The following NSUN6 variants were observed in gnomAD, a reference collection of about 807,000 sequenced individuals.
NSUN6 encodes the protein tRNA (cytosine(72)-C(5))-methyltransferase NSUN6.
A neutral mutation model predicts 58.0 loss-of-function variants in NSUN6; 64 were observed. The ratio of observed to expected loss-of-function variants is 1.10; its 90% CI spans 0.90 to 1.36. The LOEUF (loss-of-function observed/expected upper bound fraction) is 1.36. NSUN6 is among the 40% of genes most tolerant of loss of function. The pLI, the probability that NSUN6 is intolerant of heterozygous loss-of-function variation, is 0.00. For synonymous variants in NSUN6, 231 were observed against 193.9 expected (o/e 1.19, Z -1.59); for missense variants, 701 against 550.1 (o/e 1.27, Z -2.74).
At chr10:18,633,565 G>T (rs1284916846) in intron 3 of NSUN6, among the ~76,000 whole-genome samples, 2 of 152,078 alleles carry the variant, frequency 1.3e-5, no homozygotes, top group East Asian at 3.9e-4. Flanking sequence ...GCAGGGTGTG[G>T]AGTCTCTGAA....
upstream of NSUN6, among the ~76,000 whole-genome samples, chr10:18,656,817 T>C (rs959990537): frequency 1.2e-4 from 1 of 8,422 alleles, no homozygotes; most frequent in African/African-American, 3.2e-4. Context: ...GTTACAATCC[T>C]TTTTTTTTTT....
chr10:18,613,000 G>C (rs1248445006), intron 5 of NSUN6, among the ~76,000 whole-genome samples: 8 of 152,294 alleles, frequency 5.3e-5, no homozygotes, highest in African/African-American at 1.4e-4. Context: ...ATAAGAAACA[G>C]GGTGTACATG....
In NSUN6 at chr10:18,651,370, C is replaced by G. The variant is rs1252609193; in HGVS notation, c.-167G>C. On this transcript the variant is annotated 5_prime_UTR_variant, in exon 1 of 11. Transcript: ENST00000377304. The stretch of plus-strand genomic sequence containing the variant: ...GGAAATGCAGAGGTACACGCTTTCT[C>G]AAGCCTAGCCGATTAGAAGGGGCTG... The G allele has an allele frequency of 2.3e-6, 3 of 1,330,160 alleles. No individual in the cohort carries two copies. Among genetic ancestry groups the G allele is most frequent in the East Asian group, 6.2e-5 (2 of 32,448 alleles). The allele number at this position is 1,330,160 out of a possible 1,614,324, so 82.4% of individuals were successfully genotyped here. A position where few individuals can be genotyped will look rare whatever the true frequency, so the allele number is the denominator to read the frequency against.
intron 8 of NSUN6, among the ~76,000 whole-genome samples, chr10:18,570,713 CCATTCCATTCTCCACTCCATTT>C (rs2056306178): frequency 6.6e-6 from 1 of 150,674 alleles, no homozygotes; most frequent in Admixed American, 6.6e-5. Context: ...ATTCTCTATT[CCATTCCATTCTCCACTCCATTT>C]CATTCCATTC....
chr10:18,653,235 G>C (rs1471485607), upstream of NSUN6: 2 of 984,362 alleles, frequency 2.0e-6, no homozygotes, highest in African/African-American at 3.5e-5. Context: ...ATCCATAATG[G>C]GCACTCAAAT....
intron 8 of NSUN6, among the ~76,000 whole-genome samples, chr10:18,573,800 T>C (rs189301275): frequency 4.6e-5 from 7 of 152,192 alleles, no homozygotes; most frequent in Middle Eastern, 6.8e-3. Flanking sequence ...AAGAATAAGG[T>C]GTGAACAAAT....
At chr10:18,613,756 G>GC (rs2058317360) in intron 5 of NSUN6, among the ~76,000 whole-genome samples, 1 of 152,058 alleles carries the variant, frequency 6.6e-6, no homozygotes, top group African/African-American at 2.4e-5. Flanking sequence ...CCAAACTGTT[G>GC]CAACATGAAA....
At chr10:18,563,949 C>A (rs966127362) in intron 8 of NSUN6, among the ~76,000 whole-genome samples, 1 of 150,910 alleles carries the variant, frequency 6.6e-6, no homozygotes, top group Admixed American at 6.7e-5. Flanking sequence ...CACTCCATTC[C>A]ATTCTCGATT....
intron 6 of NSUN6, among the ~76,000 whole-genome samples, chr10:18,608,364 G>A (rs2058112390): frequency 6.6e-6 from 1 of 152,104 alleles, no homozygotes; most frequent in Admixed American, 6.5e-5. Context: ...GACCAGGCAT[G>A]GTGGCTTATG....
chr10:18,587,814 C>A (rs1279451921), intron 7 of NSUN6, among the ~76,000 whole-genome samples: 1 of 152,070 alleles, frequency 6.6e-6, no homozygotes, highest in Non-Finnish European at 1.5e-5. Context: ...TGAGCCTACA[C>A]ATGGGCCCTG....
At chr10:18,591,388 T>C (rs976401691) in intron 7 of NSUN6, among the ~76,000 whole-genome samples, 3 of 152,142 alleles carry the variant, frequency 2.0e-5, no homozygotes, top group African/African-American at 7.2e-5. Flanking sequence ...AGCATCATCC[T>C]GATACCAAAA....
chr10:18,645,054 T>C (rs2059503459), intron 2 of NSUN6, among the ~76,000 whole-genome samples: 1 of 142,908 alleles, frequency 7.0e-6, no homozygotes. Context: ...GCTACTCAGG[T>C]GGCTGAGGCA....
chr10:18,652,929 A>T, upstream of NSUN6: 1 of 985,052 alleles, frequency 1.0e-6, no homozygotes, highest in Non-Finnish European at 1.2e-6. Flanking sequence ...CTCACAAATA[A>T]AAAGCCAGGA....
chr10:18,643,007 G>C (rs2059433523), intron 2 of NSUN6, among the ~76,000 whole-genome samples: 1 of 151,860 alleles, frequency 6.6e-6, no homozygotes, highest in South Asian at 2.1e-4. Flanking sequence ...AGAGGTTTGG[G>C]ATTTTCAGTA....
intron 3 of NSUN6, among the ~76,000 whole-genome samples, chr10:18,639,364 T>C (rs977850380): frequency 3.3e-5 from 5 of 152,004 alleles, no homozygotes; most frequent in African/African-American, 1.2e-4. Context: ...TGTGGTGGCA[T>C]GCGCCTGTAG....
chr10:18,598,070 G>A (rs1226413826), intron 6 of NSUN6, among the ~76,000 whole-genome samples: 1 of 152,174 alleles, frequency 6.6e-6, no homozygotes. Flanking sequence ...AGTGAAATTA[G>A]CTTTAACTGA....
At chr10:18,652,523 A>G, upstream of NSUN6, 1 of 984,510 alleles carries the variant, frequency 1.0e-6, no homozygotes, top group Non-Finnish European at 1.2e-6. Context: ...ATGAATGACC[A>G]TTATACCACA....
At chr10:18,639,108 AAAC>A (rs2059316067) in intron 3 of NSUN6, among the ~76,000 whole-genome samples, 1 of 152,114 alleles carries the variant, frequency 6.6e-6, no homozygotes, top group Non-Finnish European at 1.5e-5. Flanking sequence ...AACAAACAAA[AAAC>A]AACAACAGTA....
intron 8 of NSUN6, among the ~76,000 whole-genome samples, chr10:18,562,027 G>T (rs185146350): frequency 6.6e-6 from 1 of 151,054 alleles, no homozygotes; most frequent in African/African-American, 2.4e-5. Flanking sequence ...TAATGGAATG[G>T]AATGCGGAAT....
Sources: allele counts gnomAD v4.1 joint callset (sites outside exome capture counted in the v4.1 genomes callset), GRCh38; gene constraint gnomAD v4.1.1; transcripts MANE v1.5; gene names NCBI Gene and HGNC (gene_info 2026-07-23, HGNC 2026-07-21).